The following NOX3 variants were observed in gnomAD, a reference collection of about 807,000 sequenced individuals.
NOX3 encodes NADPH oxidase 3, also known as NADPH oxidase catalytic subunit-like 3.
Under a neutral mutation model 76.7 loss-of-function variants are expected in NOX3, and 74 were observed. The observed-to-expected ratio is 0.96, with a 90% CI of 0.80 to 1.17. The LOEUF is 1.17. Ranked by LOEUF, NOX3 falls within the 50% of genes most tolerant of loss-of-function variation. The pLI, the probability that NOX3 is intolerant of heterozygous loss-of-function variation, is 0.00. For missense variants in NOX3, 695 were observed against 703.3 expected, an observed-to-expected ratio of 0.99 and a Z score of 0.13; for synonymous variants, 263 against 261.1, an observed-to-expected ratio of 1.01 and a Z score of -0.07.
chr6:155,415,164 G>A (rs905916814), intron 10 of NOX3, among the ~76,000 whole-genome samples: 1 of 152,198 alleles, frequency 6.6e-6, no homozygotes. Flanking sequence ...GTTTTCCCAA[G>A]CCAAGGCTTC....
At chr6:155,433,928 A>G (rs1160964993) in intron 7 of NOX3, among the ~76,000 whole-genome samples, 10 of 152,216 alleles carry the variant, frequency 6.6e-5, no homozygotes, top group African/African-American at 2.4e-4. Context: ...TCTTCAAAAA[A>G]TGCTCAAAAA....
At chr6:155,435,238 C>A (rs554873819) in intron 7 of NOX3, among the ~76,000 whole-genome samples, 28 of 152,184 alleles carry the variant, frequency 1.8e-4, no homozygotes, top group Non-Finnish European at 3.1e-4. Context: ...TGCCGGCAAA[C>A]GCTGCTGGGA....
intron 7 of NOX3, among the ~76,000 whole-genome samples, chr6:155,431,413 A>AACACACAC (rs61041630): frequency 0.069 from 9,944 of 144,584 alleles, 547 homozygotes; most frequent in African/African-American, 0.14. Context: ...TAAACACAGA[A>AACACACAC]ACACACACAC....
chr6:155,421,269 C>A (rs1466182044), intron 10 of NOX3, among the ~76,000 whole-genome samples: 3 of 152,198 alleles, frequency 2.0e-5, no homozygotes, highest in Non-Finnish European at 4.4e-5. Flanking sequence ...TCTCTCCAAG[C>A]TTCAGGTTCC....
At chr6:155,449,536 T>A (rs1777108002) in intron 4 of NOX3, among the ~76,000 whole-genome samples, 1 of 152,186 alleles carries the variant, frequency 6.6e-6, no homozygotes, top group South Asian at 2.1e-4. Flanking sequence ...GCTCTTATCA[T>A]AGGCAGACAA....
rs149127858 is a variant in NOX3 at position 155,454,894 on chromosome 6, C to T, written c.172G>A (p.Ala58Thr). Residue 58 changes from alanine (A) to threonine (T), a missense_variant, in exon 3 of 14, where the codon GCA (alanine) becomes ACA (threonine). Ala to Thr is a moderately conservative substitution (Grantham distance 58). Coordinates refer to ENST00000159060, the MANE Select transcript of NOX3 (RefSeq NM_015718.3). ...ATGCAGTTAAAATTCAGGCACAGTG[C>T]GGATGCTCGTGCCCAAGCCAGTGTT... ...GSTLAWARAS[A>T]LCLNFNCMLI... 9.9e-6 allele frequency: 16 copies of T among 1,610,792 alleles called. No homozygotes were observed. Among genetic ancestry groups the T allele is most frequent in the African/African-American group, 2.7e-5 (2 of 74,660 alleles).
intron 12 of NOX3, among the ~76,000 whole-genome samples, chr6:155,403,888 C>T (rs1287605400): frequency 1.6e-4 from 25 of 152,046 alleles, no homozygotes; most frequent in Non-Finnish European, 5.9e-5. Context: ...AAAGGCCTTC[C>T]GCACTGGGCT....
chr6:155,438,118 C>A (rs868027791), intron 6 of NOX3, among the ~76,000 whole-genome samples: 1 of 152,090 alleles, frequency 6.6e-6, no homozygotes, highest in Non-Finnish European at 1.5e-5. Context: ...GGGGGGTAAG[C>A]ACATCATGTC....
intron 11 of NOX3, among the ~76,000 whole-genome samples, chr6:155,410,553 T>C (rs1005615525): frequency 2.0e-5 from 3 of 152,340 alleles, no homozygotes; most frequent in Non-Finnish European, 2.9e-5. Flanking sequence ...AGTATCAACA[T>C]TGAAATACTA....
At chr6:155,402,807 C>T (rs1414847601) in intron 12 of NOX3, among the ~76,000 whole-genome samples, 2 of 152,178 alleles carry the variant, frequency 1.3e-5, no homozygotes, top group South Asian at 2.1e-4. Flanking sequence ...TCCTCGGCTT[C>T]GTGCTGATGA....
chr6:155,423,485 T>C (rs12193107), intron 9 of NOX3, among the ~76,000 whole-genome samples: 37,299 of 152,050 alleles, frequency 0.25, 4,737 homozygotes, highest in Non-Finnish European at 0.27. Flanking sequence ...ACTGGTATTT[T>C]TCTTTGCTTA....
chr6:155,435,803 C>A (rs1365337778), intron 7 of NOX3, among the ~76,000 whole-genome samples: 2 of 152,158 alleles, frequency 1.3e-5, no homozygotes, highest in African/African-American at 2.4e-5. Flanking sequence ...GTAATGGTTA[C>A]CACCTACCCG....
At position 155,442,420 on chromosome 6, in the gene NOX3, A is replaced by G. The variant is rs75812097; in HGVS notation, c.486+853T>C. 6.9e-3 allele frequency among the ~76,000 whole-genome samples: 1,057 copies of G among 152,344 alleles called. 16 individuals carry two copies. The highest frequency in any genetic ancestry group is 0.024 in the African/African-American group (1,004 of 41,580). On this transcript the variant is annotated intron_variant, in intron 5 of 13. Coordinates refer to ENST00000159060, the MANE Select transcript of NOX3 (RefSeq NM_015718.3). The stretch of plus-strand genomic sequence containing the variant: ...GATTTTGAGTTTTTGTTCTTTAAAT[A>G]AGGCTGCATGGGGAAATGGTCACTT...
intron 4 of NOX3, 58 bp downstream of exon 4, chr6:155,453,346 A>G (rs1229848279): frequency 1.5e-6 from 2 of 1,335,892 alleles, no homozygotes; most frequent in Non-Finnish European, 2.2e-6. Flanking sequence ...TTAAAACAAA[A>G]CTATGAAGTT....
intron 6 of NOX3, among the ~76,000 whole-genome samples, chr6:155,439,684 TCATCCTG>T (rs1426626491): frequency 6.6e-6 from 1 of 152,192 alleles, no homozygotes; most frequent in Admixed American, 6.5e-5. Flanking sequence ...AGATCTACTG[TCATCCTG>T]CATTCATTAG....
At chr6:155,405,662 G>A (rs1482152170) in intron 12 of NOX3, among the ~76,000 whole-genome samples, 1 of 152,074 alleles carries the variant, frequency 6.6e-6, no homozygotes, top group East Asian at 1.9e-4. Flanking sequence ...TGGTAAGTGG[G>A]GATTCCACTC....
intron 4 of NOX3, among the ~76,000 whole-genome samples, chr6:155,445,127 A>C (rs1000417974): frequency 6.6e-6 from 1 of 152,208 alleles, no homozygotes; most frequent in Non-Finnish European, 1.5e-5. Flanking sequence ...GCTAGACAAC[A>C]ACATACCGAT....
intron 9 of NOX3, among the ~76,000 whole-genome samples, chr6:155,424,981 A>G (rs1345938986): frequency 6.6e-6 from 1 of 152,248 alleles, no homozygotes; most frequent in African/African-American, 2.4e-5. Context: ...ACTCAAAGCT[A>G]CAGGAGAAAA....
At chr6:155,432,677 C>G (rs923308462) in intron 7 of NOX3, among the ~76,000 whole-genome samples, 2 of 152,122 alleles carry the variant, frequency 1.3e-5, no homozygotes, top group Non-Finnish European at 2.9e-5. Flanking sequence ...TGGGGGGGCT[C>G]TTGGCCTCAT....
Sources: gnomAD v4.1 joint callset for allele counts (sites outside exome capture counted in the v4.1 genomes callset) on GRCh38, gnomAD v4.1.1 for gene constraint, MANE v1.5 for transcripts, NCBI Gene and HGNC (gene_info 2026-07-23, HGNC 2026-07-21) for gene names.